Variants in COL4A2 observed in about 807,000 individuals in gnomAD.
The protein encoded by COL4A2 is collagen type IV alpha 2 chain.
COL4A2 carries 99 observed loss-of-function variants against 200.2 expected under a neutral mutation model. The observed-to-expected ratio is 0.49, with a 90% confidence interval of 0.42 to 0.58. The LOEUF (loss-of-function observed/expected upper bound fraction) is 0.58. Ranked by LOEUF, COL4A2 falls within the 20% of genes least tolerant of loss-of-function variation. The pLI is 0.00. For missense variants in COL4A2, 1,950 were observed against 2,314.1 expected, an observed-to-expected ratio of 0.84 and a Z score of 3.23; for synonymous variants, 897 against 900.6, an observed-to-expected ratio of 1.00 and a Z score of 0.07.
At chr13:110,400,926 G>A (rs887443965) in intron 4 of COL4A2, among the ~76,000 whole-genome samples, 36 of 152,318 alleles carry the variant, frequency 2.4e-4, no homozygotes, top group African/African-American at 8.2e-4. Flanking sequence ...AGAGAATGAA[G>A]AAGAAGATGT....
At chr13:110,369,958 T>TAA (rs1166223158) in intron 4 of COL4A2, among the ~76,000 whole-genome samples, 2 of 152,192 alleles carry the variant, frequency 1.3e-5, no homozygotes, top group Non-Finnish European at 2.9e-5. Context: ...TACCCTGACT[T>TAA]CATAGGAAAA....
chr13:110,454,805 G>A lies in COL4A2; in HGVS notation c.1340-2538G>A, dbSNP rs1259661216. On this transcript the variant is annotated intron_variant, in intron 20 of 47. Coordinates refer to ENST00000360467, the MANE Select transcript of COL4A2 (RefSeq NM_001846.4). Reference sequence around the variant, plus strand: ...TCTCTGGCCCTGTTCTGTGTGCTGAGCTACTAACAGAAACCGTTAACTCGA... The same window carrying A: ...TCTCTGGCCCTGTTCTGTGTGCTGAACTACTAACAGAAACCGTTAACTCGA... 5.3e-5 allele frequency among the ~76,000 whole-genome samples: 8 copies of A among 152,300 alleles called. No homozygotes were observed. In the East Asian group the frequency reaches 1.4e-3, roughly 26 times the overall value.
rs565898613 is a variant in COL4A2 at position 110,332,384 on chromosome 13, C to T, written c.99+24261C>T. Among the ~76,000 whole-genome samples, 237 of 152,290 alleles carry T rather than the reference C, an allele frequency of 1.6e-3. 1 individual carries two copies. Among genetic ancestry groups the T allele is most frequent in the Admixed American group, 0.013 (198 of 15,302 alleles). On this transcript the variant is annotated intron_variant, in intron 3 of 47. Transcript: ENST00000360467. ...ATGGCAAACAATTTTCCAAGTCCTC[C>T]TCATCTTTAGTTAGGTTTCGGTCAG...
In COL4A2 at chr13:110,512,291, A is replaced by T. The variant is rs1361835343; in HGVS notation, c.*100A>T. 2 of 1,445,778 alleles carry T rather than the reference A, an allele frequency of 1.4e-6. No individual in the cohort carries two copies. The highest frequency in any genetic ancestry group is 1.8e-6 in the Non-Finnish European group (2 of 1,103,758). The allele number at this position is 1,445,778 out of a possible 1,614,324, so 89.6% of individuals were successfully genotyped here. A position where few individuals can be genotyped will look rare whatever the true frequency, so the allele number is the denominator to read the frequency against. ...GTTTTATTTTTTTCTTAAAAAAAAA[A>T]AAGTCTACCAAAGGAATTTGCATCC... On this transcript the variant is annotated 3_prime_UTR_variant, in exon 48 of 48. Coordinates refer to ENST00000360467, the MANE Select transcript of COL4A2 (RefSeq NM_001846.4).
At chr13:110,490,626 C>CCT (rs1314000450) in intron 36 of COL4A2, among the ~76,000 whole-genome samples, 2 of 152,220 alleles carry the variant, frequency 1.3e-5, no homozygotes, top group African/African-American at 4.8e-5. Context: ...CCGGTGGCTT[C>CCT]CTCCTGAGTG....
At chr13:110,383,246 A>C (rs1878559084) in intron 4 of COL4A2, among the ~76,000 whole-genome samples, 1 of 152,206 alleles carries the variant, frequency 6.6e-6, no homozygotes, top group Non-Finnish European at 1.5e-5. Flanking sequence ...CAAATAGGAC[A>C]CTCGTTATTT....
At chr13:110,439,904 T>G (rs2139468926) in intron 16 of COL4A2, 71 bp downstream of exon 16, 1 of 1,548,270 alleles carries the variant, frequency 6.5e-7, no homozygotes, top group East Asian at 2.4e-5. Context: ...TAAATAGGCC[T>G]TGGCATCTCA....
chr13:110,486,070 G>GTGAAGCATGTTGTCTGCACTTT (rs1555332347), intron 34 of COL4A2, among the ~76,000 whole-genome samples: 1 of 152,188 alleles, frequency 6.6e-6, no homozygotes, highest in African/African-American at 2.4e-5. Flanking sequence ...CTTGTGCTGG[G>GTGAAGCATGTTGTCTGCACTTT]TGAAGCATGT....
Position 110,484,956 on chromosome 13 carries a change from G to T in COL4A2, c.2954G>T (p.Gly985Val), listed in dbSNP as rs769851485. The change falls in exon 33 of 48, where the codon GGA (glycine) becomes GTA (valine). Residue 985 changes from glycine (G) to valine (V), a missense_variant. Gly to Val is a moderately radical substitution (Grantham distance 109). Around this residue, in one of 2 missense-constraint regions of COL4A2, gnomAD observed 1,385 missense variants for 1,720.5 expected, o/e 0.80. Transcript: ENST00000360467. The stretch of plus-strand genomic sequence containing the variant: ...GGACCACCTCCTGTCATCCTGCCAG[G>T]AATGAAAGACATTAAAGGAGAGAAA... ...PPGPPPVILP[G>V]MKDIKGEKGD... The T allele has an allele frequency of 1.2e-5, 19 of 1,613,222 alleles. No individual in the cohort carries two copies. In the East Asian group the frequency reaches 4.2e-4, roughly 36 times the overall value.
chr13:110,511,952 G>A lies in COL4A2; in HGVS notation c.4900G>A (p.Glu1634Lys), dbSNP rs1234289971. 20 of 1,613,392 alleles carry A rather than the reference G, an allele frequency of 1.2e-5. No homozygotes were observed. Among genetic ancestry groups the A allele is most frequent in the Middle Eastern group, 3.3e-4 (2 of 6,060 alleles). The part of the protein sequence containing the change: ...SFLMHTAAGD[E>K]GGGQSLVSPG... ...TGTGCAGCACACGGCGGCGGGAGAC[G>A]AAGGCGGTGGCCAATCACTGGTGTC... Residue 1634 changes from glutamate (E) to lysine (K), a missense_variant, in exon 48 of 48, where the codon GAA (glutamate) becomes AAA (lysine). Physicochemically the swap from Glu to Lys is moderately conservative, Grantham distance 56. Coordinates refer to ENST00000360467, the MANE Select transcript of COL4A2 (RefSeq NM_001846.4).
intron 46 of COL4A2, chr13:110,507,459 C>T (rs1212878872): frequency 6.0e-6 from 1 of 167,432 alleles, no homozygotes; most frequent in Non-Finnish European, 1.3e-5. Flanking sequence ...ACCTGCTTAG[C>T]TGCAGCATTC....
intron 3 of COL4A2, among the ~76,000 whole-genome samples, chr13:110,311,635 G>A (rs1433250920): frequency 6.6e-6 from 1 of 152,190 alleles, no homozygotes; most frequent in African/African-American, 2.4e-5. Context: ...TATCCCCTGG[G>A]CCTGTTTAAG....
rs1307968289 is a variant in COL4A2 at position 110,465,402 on chromosome 13, C to T, written c.1777-3C>T. The T allele has an allele frequency of 5.1e-6, 8 of 1,582,806 alleles. No individual in the cohort carries two copies. The highest frequency in any genetic ancestry group is 6.8e-6 in the Non-Finnish European group (8 of 1,172,008). On this transcript the variant is annotated splice_polypyrimidine_tract_variant and splice_region_variant and intron_variant, in intron 24 of 47. Transcript: ENST00000360467. Reference sequence around the variant, plus strand: ...TTAAGAAATAAACTGAATTTTCACACAGGGTGATGGCATCAAGGGCCCTCC... The same window carrying T: ...TTAAGAAATAAACTGAATTTTCACATAGGGTGATGGCATCAAGGGCCCTCC...
intron 4 of COL4A2, among the ~76,000 whole-genome samples, chr13:110,398,428 G>A (rs147402229): frequency 1.7e-3 from 254 of 152,314 alleles, no homozygotes; most frequent in African/African-American, 5.9e-3. Context: ...GGAGGCCAAG[G>A]TGGGTGGATC....
At chr13:110,467,703 C>A (rs879563924) in intron 27 of COL4A2, among the ~76,000 whole-genome samples, 1 of 152,234 alleles carries the variant, frequency 6.6e-6, no homozygotes. Flanking sequence ...GCCTGCGCTG[C>A]GATTCTGCTG....
chr13:110,485,712 G>A lies in COL4A2; in HGVS notation c.3083G>A (p.Arg1028Lys). Residue 1028 changes from arginine to lysine, a missense_variant, in exon 34 of 48, where the codon AGG (arginine) becomes AAG (lysine). Around this residue, in one of 2 missense-constraint regions of COL4A2, gnomAD observed 1,385 missense variants for 1,720.5 expected, o/e 0.80. Coordinates refer to ENST00000360467, the MANE Select transcript of COL4A2 (RefSeq NM_001846.4). Reference protein sequence around the residue: ...GLSGIPGLPGRPGHIKGVKGD... With the variant: ...GLSGIPGLPGKPGHIKGVKGD... ...TCAGGAATCCCTGGGCTGCCTGGGA[G>A]GCCCGGCCACATCAAAGGAGTCAAG... 1 of 1,613,678 alleles carries A rather than the reference G, an allele frequency of 6.2e-7. No individual in the cohort carries two copies. The highest frequency in any genetic ancestry group is 2.2e-5 in the East Asian group (1 of 44,856).
Position 110,495,331 on chromosome 13 carries a change from C to T in COL4A2, c.3635-11C>T, listed in dbSNP as rs1288357656. 6.2e-7 allele frequency: 1 copy of T among 1,613,988 alleles called. No individual in the cohort carries two copies. Among genetic ancestry groups the T allele is most frequent in the African/African-American group, 1.3e-5 (1 of 74,936 alleles). Reference sequence around the variant, plus strand: ...ACACCGACATCAGCTGCTGTTATAACTCTTCCACAGGTTCTGACATCCACG... The same window carrying T: ...ACACCGACATCAGCTGCTGTTATAATTCTTCCACAGGTTCTGACATCCACG... On this transcript the variant is annotated splice_polypyrimidine_tract_variant and intron_variant, in intron 39 of 47. Transcript: ENST00000360467.
intron 4 of COL4A2, among the ~76,000 whole-genome samples, chr13:110,392,511 G>A (rs1346708523): frequency 6.6e-6 from 1 of 152,158 alleles, no homozygotes; most frequent in Non-Finnish European, 1.5e-5. Flanking sequence ...GGCTCTTCCG[G>A]CCCCTCTGCC....
intron 4 of COL4A2, among the ~76,000 whole-genome samples, chr13:110,410,673 A>T (rs941671973): frequency 1.3e-5 from 2 of 152,164 alleles, no homozygotes; most frequent in Non-Finnish European, 2.9e-5. Flanking sequence ...TGTTACTGTT[A>T]TATCAGCTTG....
Sources: allele counts gnomAD v4.1 joint callset (sites outside exome capture counted in the v4.1 genomes callset), GRCh38; gene constraint gnomAD v4.1.1; regional missense constraint gnomAD v4.1.1; transcripts MANE v1.5; gene names NCBI Gene and HGNC (gene_info 2026-07-23, HGNC 2026-07-21).